Variants in FGD3 observed in about 807,000 individuals in gnomAD.
FGD3 encodes FYVE, RhoGEF and PH domain-containing protein 3.
Under a neutral mutation model 71.8 loss-of-function variants are expected in FGD3, and 45 were observed. The observed-to-expected ratio is 0.63, with a 90% CI of 0.49 to 0.80. The LOEUF is 0.80. FGD3 is among the 30% of genes least tolerant of loss of function. The probability of loss-of-function intolerance (pLI) is 0.00; values close to 1 mark genes in which losing one functional copy is unlikely to be tolerated. For missense variants in FGD3, 844 were observed against 951.5 expected, an observed-to-expected ratio of 0.89 and a Z score of 1.49; for synonymous variants, 378 against 392.8, an observed-to-expected ratio of 0.96 and a Z score of 0.44.
intron 6 of FGD3, among the ~76,000 whole-genome samples, chr9:93,007,485 C>T (rs1294954156): frequency 6.6e-6 from 1 of 152,176 alleles, no homozygotes; most frequent in Non-Finnish European, 1.5e-5. Flanking sequence ...CTATATAACC[C>T]CATCTCTACT....
chr9:93,035,208 C>T, intron 17 of FGD3, 130 bp from the exon 18 acceptor site: 1 of 1,331,014 alleles, frequency 7.5e-7, no homozygotes, highest in African/African-American at 1.5e-5. Context: ...GCCACCAGAC[C>T]CCTCGGGCTC....
chr9:92,998,969 G>A (rs530516062), intron 3 of FGD3, among the ~76,000 whole-genome samples: 3 of 152,330 alleles, frequency 2.0e-5, no homozygotes, highest in Non-Finnish European at 4.4e-5. Context: ...CTCAAACTCT[G>A]TGCTGGGAGA....
chr9:93,029,581 T>C (rs976484754), intron 14 of FGD3, among the ~76,000 whole-genome samples: 1 of 152,202 alleles, frequency 6.6e-6, no homozygotes, highest in Non-Finnish European at 1.5e-5. Flanking sequence ...CTCCTTTCAA[T>C]AGTTTCTCAG....
intron 3 of FGD3, among the ~76,000 whole-genome samples, chr9:92,983,079 C>G (rs1860055983): frequency 6.6e-6 from 1 of 151,038 alleles, no homozygotes; most frequent in Non-Finnish European, 1.5e-5. Context: ...GAGTGAGACT[C>G]TGTCTAAAAA....
chr9:93,030,014 G>T lies in FGD3; in HGVS notation c.1680+18G>T. The T allele has an allele frequency of 6.2e-7, 1 of 1,608,380 alleles. No individual in the cohort carries two copies. The highest frequency in any genetic ancestry group is 8.5e-7 in the Non-Finnish European group (1 of 1,177,268). ...GTGGGGCGGTGAGTCCCGGGAGAGG[G>T]GGACAGGGACAGGAGGCCACCCTGT... On this transcript the variant is annotated intron_variant, in intron 15 of 17. Coordinates refer to ENST00000375482, the MANE Select transcript of FGD3 (RefSeq NM_001083536.2).
chr9:92,980,313 C>A (rs1200695182), intron 3 of FGD3, among the ~76,000 whole-genome samples: 1 of 152,180 alleles, frequency 6.6e-6, no homozygotes, highest in African/African-American at 2.4e-5. Context: ...AGTCACCATT[C>A]CCAGCCTCCT....
rs1056195484 is a variant in FGD3, at chr9:92,969,333, C to T, written c.-217-5905C>T. On this transcript the variant is annotated intron_variant, in intron 1 of 17. Transcript: ENST00000375482. The surrounding 1 kb of genome is among the most constrained non-coding windows in gnomAD (Gnocchi z 4.5). Reference sequence around the variant, plus strand: ...AGCCTCCCTCACAGTGAGGTGCTGGCTTCCAAGTGTGAGAGCCCAGAGCTG... The same window carrying T: ...AGCCTCCCTCACAGTGAGGTGCTGGTTTCCAAGTGTGAGAGCCCAGAGCTG... Among the ~76,000 whole-genome samples, 3 of 152,226 alleles carry T rather than the reference C, an allele frequency of 2.0e-5. No homozygotes were observed. The highest frequency in any genetic ancestry group is 7.2e-5 in the African/African-American group (3 of 41,468).
chr9:93,011,532 C>T (rs1861380389), intron 8 of FGD3, among the ~76,000 whole-genome samples: 1 of 152,236 alleles, frequency 6.6e-6, no homozygotes, highest in Non-Finnish European at 1.5e-5. Flanking sequence ...CCGACAGAGC[C>T]TGTCTCACTG....
In FGD3 at chr9:93,011,150, C is replaced by T. The variant is rs796669825; in HGVS notation, c.977-64C>T. 5.9e-6 allele frequency: 9 copies of T among 1,520,900 alleles called. No individual in the cohort carries two copies. The African/African-American group carries it at 1.1e-4, about 18-fold the overall frequency. The allele number at this position is 1,520,900 out of a possible 1,614,324, so 94.2% of individuals were successfully genotyped here. A position where few individuals can be genotyped will look rare whatever the true frequency, so the allele number is the denominator to read the frequency against. On this transcript the variant is annotated intron_variant, in intron 7 of 17. Coordinates refer to ENST00000375482, the MANE Select transcript of FGD3 (RefSeq NM_001083536.2). ...CTCTCTGGAGGCAGCTGCCCTGGAG[C>T]CCCTCAGGCAAGCAAAAACGGAGCC...
chr9:93,028,913 C>T (rs1235014609), intron 14 of FGD3, among the ~76,000 whole-genome samples: 1 of 149,784 alleles, frequency 6.7e-6, no homozygotes, highest in Non-Finnish European at 1.5e-5. Context: ...CCTCTGTAGG[C>T]AGTTCAGGCA....
rs1861951439 is a variant in FGD3 at position 93,022,320 on chromosome 9, C to G, written c.1495-7C>G. The G allele has an allele frequency of 6.2e-7, 1 of 1,611,030 alleles. No homozygotes were observed. Among genetic ancestry groups the G allele is most frequent in the African/African-American group, 1.3e-5 (1 of 74,934 alleles). ...CTCCTCTCACTCGGCCTCTGTGTCC[C>G]TTCTAGATCACGAGCACCAGCCCTG... is the stretch of plus-strand genomic sequence containing the variant. On this transcript the variant is annotated splice_polypyrimidine_tract_variant and splice_region_variant and intron_variant, in intron 13 of 17. Coordinates refer to ENST00000375482, the MANE Select transcript of FGD3 (RefSeq NM_001083536.2).
At chr9:93,024,333 C>T (rs921315696) in intron 14 of FGD3, among the ~76,000 whole-genome samples, 92 of 152,236 alleles carry the variant, frequency 6.0e-4, no homozygotes, top group African/African-American at 2.1e-3. Flanking sequence ...GAGGCACTGC[C>T]TGATCAGCCC....
At chr9:92,951,080 A>G (rs6479441) in intron 1 of FGD3, among the ~76,000 whole-genome samples, 105,819 of 152,048 alleles carry the variant, frequency 0.7, 38,015 homozygotes, top group African/African-American at 0.89. Flanking sequence ...TGAGACACCA[A>G]GTTGCTCTGG....
intron 5 of FGD3, among the ~76,000 whole-genome samples, chr9:93,005,568 G>A (rs1861018388): frequency 6.6e-6 from 1 of 151,986 alleles, no homozygotes; most frequent in Non-Finnish European, 1.5e-5. Context: ...AAAATTATTT[G>A]CAAATCTCTG....
At position 93,010,357 on chromosome 9, in the gene FGD3, G is replaced by A; in HGVS notation, c.949G>A (p.Asp317Asn). Residue 317 changes from aspartate to asparagine, a missense_variant, in exon 7 of 18, where the codon GAC (aspartate) becomes AAC (asparagine). Asp to Asn is a conservative substitution (Grantham distance 23, BLOSUM62 1). Coordinates refer to ENST00000375482, the MANE Select transcript of FGD3 (RefSeq NM_001083536.2). Reference protein sequence around the residue: ...LKDYLKRLPQDAPDRKDAERS... With the variant: ...LKDYLKRLPQNAPDRKDAERS... ...GGACTATCTGAAGAGGCTCCCGCAG[G>A]ACGCCCCAGACCGGAAGGATGCGGA... 1 of 1,613,034 alleles carries A rather than the reference G, an allele frequency of 6.2e-7. No individual in the cohort carries two copies. The highest frequency in any genetic ancestry group is 8.5e-7 in the Non-Finnish European group (1 of 1,179,198).
intron 15 of FGD3, among the ~76,000 whole-genome samples, chr9:93,030,257 G>T (rs1862304807): frequency 6.6e-6 from 1 of 152,232 alleles, no homozygotes; most frequent in African/African-American, 2.4e-5. Flanking sequence ...TTTGGAACCA[G>T]AGAACCCCTA....
intron 3 of FGD3, among the ~76,000 whole-genome samples, chr9:92,991,776 G>T (rs1239720223): frequency 6.6e-6 from 1 of 152,118 alleles, no homozygotes; most frequent in Non-Finnish European, 1.5e-5. Flanking sequence ...TATTGTATTG[G>T]AGGTCTATCT....
At chr9:93,008,316 C>G (rs754338999) in intron 6 of FGD3, among the ~76,000 whole-genome samples, 8 of 152,176 alleles carry the variant, frequency 5.3e-5, no homozygotes, top group Admixed American at 1.3e-4. Flanking sequence ...TACTCCGCAG[C>G]CCACACTCAG....
chr9:92,997,850 A>G (rs1025886383), intron 3 of FGD3, among the ~76,000 whole-genome samples: 7 of 152,182 alleles, frequency 4.6e-5, no homozygotes, highest in Non-Finnish European at 1.0e-4. Context: ...TGTTAGTCTG[A>G]TGGGCTTCCC....
Sources: gnomAD v4.1 joint callset for allele counts (sites outside exome capture counted in the v4.1 genomes callset) on GRCh38, gnomAD v4.1.1 for gene constraint, Gnocchi (gnomAD v3.1) non-coding constraint, MANE v1.5 for transcripts, NCBI Gene and HGNC (gene_info 2026-07-23, HGNC 2026-07-21) for gene names.